Variants in COL11A1 observed in about 807,000 individuals in gnomAD.
COL11A1 encodes collagen type XI alpha 1 chain, also known as collagen alpha-1(XI) chain.
A neutral mutation model predicts 265.2 loss-of-function variants in COL11A1; 74 were observed. That is an observed-to-expected ratio of 0.28 (90% confidence interval 0.23 to 0.34). COL11A1 has a LOEUF of 0.34. COL11A1 is among the 10% of genes least tolerant of loss of function. COL11A1 has a pLI of 1.00. For synonymous variants in COL11A1, 816 were observed against 727.6 expected (o/e 1.12, Z -1.96); for missense variants, 2,165 against 2,263.6 (o/e 0.96, Z 0.88).
chr1:103,003,525 A>T (rs1277029129), intron 20 of COL11A1, among the ~76,000 whole-genome samples: 1 of 152,140 alleles, frequency 6.6e-6, no homozygotes, highest in African/African-American at 2.4e-5. Context: ...CACTTGGGGA[A>T]TTTTTAAAAT....
chr1:103,093,845 C>A (rs1673521281), intron 1 of COL11A1, among the ~76,000 whole-genome samples: 1 of 152,100 alleles, frequency 6.6e-6, no homozygotes, highest in Admixed American at 6.6e-5. Context: ...AATTCAACCT[C>A]TGTGTCATGG....
Position 103,012,446 on chromosome 1 carries a change from G to T in COL11A1, c.1596C>A (p.Gly532=), listed in dbSNP as rs1300399428. 1.2e-6 allele frequency: 2 copies of T among 1,613,254 alleles called. No individual in the cohort carries two copies. The highest frequency in any genetic ancestry group is 2.2e-5 in the East Asian group (1 of 44,842). Residue 532 remains glycine, a synonymous_variant, in exon 14 of 67, where the codon GGC becomes GGA. Coordinates refer to ENST00000370096, the MANE Select transcript of COL11A1 (RefSeq NM_001854.4). ...QARIALRGPP[G]PMGLTGRPGP... is the part of the protein sequence containing the mutation. ...CTGGTCTTCCAGTTAGACCCATTGGGCCAGGTGGGCCTCTCAGAGCAATCT... is the reference window on the plus strand; with the variant it reads ...CTGGTCTTCCAGTTAGACCCATTGGTCCAGGTGGGCCTCTCAGAGCAATCT...
chr1:103,061,373 AC>A (rs1482042111), intron 4 of COL11A1, among the ~76,000 whole-genome samples: 2 of 152,120 alleles, frequency 1.3e-5, no homozygotes, highest in Non-Finnish European at 2.9e-5. Context: ...ACAAAGTTGA[AC>A]TAAAAACACT....
At chr1:102,914,842 A>G (rs1570714865) in intron 50 of COL11A1, 31 bp from the exon 51 acceptor site, 3 of 1,495,532 alleles carry the variant, frequency 2.0e-6, no homozygotes, top group South Asian at 2.3e-5. Context: ...AAAAAGAAGA[A>G]GAAGGAAAGA....
intron 4 of COL11A1, among the ~76,000 whole-genome samples, chr1:103,045,959 A>G: frequency 6.6e-6 from 1 of 151,574 alleles, no homozygotes; most frequent in Non-Finnish European, 1.5e-5. Context: ...TCATTTTTTT[A>G]TGGCTGCATA....
At chr1:103,011,690 A>T (rs944216271) in intron 14 of COL11A1, among the ~76,000 whole-genome samples, 1 of 151,018 alleles carries the variant, frequency 6.6e-6, no homozygotes, top group African/African-American at 2.4e-5. Flanking sequence ...TACGTTCTGT[A>T]AATAGCAGAA....
In COL11A1 at chr1:102,979,114, A is replaced by G. The variant is rs772069239; in HGVS notation, c.2611-10T>C. 1 of 1,613,938 alleles carries G rather than the reference A, an allele frequency of 6.2e-7. No homozygotes were observed. Among genetic ancestry groups the G allele is most frequent in the Non-Finnish European group, 8.5e-7 (1 of 1,179,842 alleles). On this transcript the variant is annotated splice_polypyrimidine_tract_variant and intron_variant, in intron 32 of 66. Transcript: ENST00000370096. The stretch of plus-strand genomic sequence containing the variant: ...GTTTGCCAGCTACTCCCTAGCAAAG[A>G]CAGTTCAATTTCAATATGCAGTATA...
At chr1:102,994,604 G>A (rs1483493045) in intron 28 of COL11A1, among the ~76,000 whole-genome samples, 1 of 151,996 alleles carries the variant, frequency 6.6e-6, no homozygotes, top group Non-Finnish European at 1.5e-5. Context: ...TTATAGCAGT[G>A]CAAGGACAGT....
intron 51 of COL11A1, 107 bp downstream of exon 51, chr1:102,914,597 G>T: frequency 2.0e-6 from 2 of 1,000,292 alleles, no homozygotes; most frequent in Non-Finnish European, 3.1e-6. Context: ...TGAAAAGTCA[G>T]ATTTACCATC....
chr1:103,060,721 G>A (rs1026219947), intron 4 of COL11A1, among the ~76,000 whole-genome samples: 1 of 152,048 alleles, frequency 6.6e-6, no homozygotes, highest in African/African-American at 2.4e-5. Flanking sequence ...CAGCATTTTG[G>A]GAGGCCAAGG....
At chr1:103,020,001 G>T in intron 9 of COL11A1, among the ~76,000 whole-genome samples, 1 of 142,942 alleles carries the variant, frequency 7.0e-6, no homozygotes, top group Non-Finnish European at 1.5e-5. Context: ...TTGGACATTT[G>T]GGTTGGTTCC....
In COL11A1 at chr1:102,984,195, C is replaced by T. The variant is rs901317166; in HGVS notation, c.2503-4G>A. On this transcript the variant is annotated splice_polypyrimidine_tract_variant and splice_region_variant and intron_variant, in intron 30 of 66. Coordinates refer to ENST00000370096, the MANE Select transcript of COL11A1 (RefSeq NM_001854.4). ...ATCCTGGAACTCCAAGTTTTCCCTACAGTTAAAATATATAATAATCAAAGT... is the reference window on the plus strand; with the variant it reads ...ATCCTGGAACTCCAAGTTTTCCCTATAGTTAAAATATATAATAATCAAAGT... 13 of 1,574,418 alleles carry T rather than the reference C, an allele frequency of 8.3e-6. No individual in the cohort carries two copies. Among genetic ancestry groups the T allele is most frequent in the South Asian group, 1.1e-5 (1 of 88,760 alleles).
At chr1:102,933,718 A>T (rs1188906576) in intron 46 of COL11A1, among the ~76,000 whole-genome samples, 1 of 151,890 alleles carries the variant, frequency 6.6e-6, no homozygotes, top group Non-Finnish European at 1.5e-5. Flanking sequence ...TTGATCTCAG[A>T]CTGCTGTGCT....
chr1:102,945,895 C>T (rs145132928), intron 42 of COL11A1, among the ~76,000 whole-genome samples: 6,546 of 151,194 alleles, frequency 0.043, 507 homozygotes, highest in African/African-American at 0.15. Context: ...TATTGCGGCA[C>T]TATTCACAAT....
chr1:102,981,962 TA>T (rs541596141), intron 31 of COL11A1, among the ~76,000 whole-genome samples: 43 of 149,804 alleles, frequency 2.9e-4, no homozygotes, highest in African/African-American at 7.6e-4. Context: ...TTCATTTTAG[TA>T]AAAAAAAAAT....
At chr1:103,054,718 G>A (rs2376284) in intron 4 of COL11A1, among the ~76,000 whole-genome samples, 33,088 of 151,744 alleles carry the variant, frequency 0.22, 3,846 homozygotes, top group African/African-American at 0.27. Flanking sequence ...CCTCGCCAAC[G>A]TGGTAAAACC....
At chr1:102,907,605 A>G (rs1654141860) in intron 54 of COL11A1, among the ~76,000 whole-genome samples, 1 of 152,134 alleles carries the variant, frequency 6.6e-6, no homozygotes, top group Non-Finnish European at 1.5e-5. Flanking sequence ...CATATCTGTA[A>G]CAATTCTGCA....
intron 1 of COL11A1, among the ~76,000 whole-genome samples, chr1:103,088,033 C>A (rs955358039): frequency 2.6e-5 from 4 of 152,142 alleles, no homozygotes; most frequent in Admixed American, 1.3e-4. Context: ...TAAACACCAC[C>A]ACCCTTTCAC....
At chr1:102,924,707 C>G (rs1457812206) in intron 46 of COL11A1, among the ~76,000 whole-genome samples, 1 of 152,090 alleles carries the variant, frequency 6.6e-6, no homozygotes, top group Non-Finnish European at 1.5e-5. Context: ...AAAATCCTGT[C>G]ATTCCAAAAG....
Sources: allele counts gnomAD v4.1 joint callset (sites outside exome capture counted in the v4.1 genomes callset), GRCh38; gene constraint gnomAD v4.1.1; transcripts MANE v1.5; gene names NCBI Gene and HGNC (gene_info 2026-07-23, HGNC 2026-07-21).